The following SYNE3 variants were observed in gnomAD, a reference collection of about 807,000 sequenced individuals.
SYNE3 encodes nesprin-3.
In SYNE3, 100 loss-of-function variants were observed where a neutral mutation model predicts 111.2. That is an observed-to-expected ratio of 0.90 (90% confidence interval 0.77 to 1.06). The LOEUF (loss-of-function observed/expected upper bound fraction) is 1.06. Among genes scored for constraint, SYNE3 ranks in the 50% least tolerant of loss-of-function variants. The probability of loss-of-function intolerance (pLI) is 0.00; values close to 1 mark genes in which losing one functional copy is unlikely to be tolerated. For synonymous variants in SYNE3, 547 were observed against 533.9 expected, an observed-to-expected ratio of 1.02 and a Z score of -0.34; for missense variants, 1,160 against 1,240.3, an observed-to-expected ratio of 0.94 and a Z score of 0.97.
chr14:95,444,713 C>T, intron 9 of SYNE3, 85 bp from the exon 10 acceptor site: 1 of 1,457,898 alleles, frequency 6.9e-7, no homozygotes, highest in South Asian at 1.5e-5. Flanking sequence ...AGCCAGGCTG[C>T]TCTTCGTCTC....
chr14:95,480,108 C>A (rs1889138672), intron 1 of SYNE3, among the ~76,000 whole-genome samples: 1 of 152,092 alleles, frequency 6.6e-6, no homozygotes, highest in Non-Finnish European at 1.5e-5. Context: ...AACAGTATTG[C>A]AAAAGAAATG....
chr14:95,472,048 C>A (rs942317472), intron 2 of SYNE3, among the ~76,000 whole-genome samples: 1 of 152,120 alleles, frequency 6.6e-6, no homozygotes. Flanking sequence ...CAGGAGAGAC[C>A]GCAAAGTAGT....
chr14:95,424,273 G>C (rs1885316415), intron 17 of SYNE3, among the ~76,000 whole-genome samples: 1 of 151,922 alleles, frequency 6.6e-6, no homozygotes, highest in Non-Finnish European at 1.5e-5. Context: ...CAGAGGCCTG[G>C]AAGGAGATGC....
At chr14:95,418,364 T>A (rs12881477) in intron 17 of SYNE3, among the ~76,000 whole-genome samples, 91,652 of 152,004 alleles carry the variant, frequency 0.6, 28,206 homozygotes, top group Non-Finnish European at 0.69. Flanking sequence ...TTTCTCATCT[T>A]CAGATGGGGC....
chr14:95,449,415 A>C, intron 8 of SYNE3: 1 of 984,860 alleles, frequency 1.0e-6, no homozygotes, highest in Non-Finnish European at 1.2e-6. Context: ...CCGCGGCTCC[A>C]TCCGGAGCCA....
chr14:95,461,256 G>A (rs919644612), intron 4 of SYNE3, among the ~76,000 whole-genome samples: 1 of 152,252 alleles, frequency 6.6e-6, no homozygotes, highest in Non-Finnish European at 1.5e-5. Flanking sequence ...CTGATTCACG[G>A]CCAAGATGCC....
Position 95,436,922 on chromosome 14 carries a change from G to T in SYNE3, c.2436C>A (p.Asn812Lys). Reference sequence around the variant, plus strand: ...TTTCCACCTGCAACCACTGCCCAAAGTTCCTCAGGAGCTGGGAGAAATCTT... The same window carrying T: ...TTTCCACCTGCAACCACTGCCCAAATTTCCTCAGGAGCTGGGAGAAATCTT... ...SHEDFSQLLR[N>K]FGQWLQVENS... Residue 812 changes from asparagine to lysine, a missense_variant, in exon 15 of 18, where the codon AAC (asparagine) becomes AAA (lysine). Physicochemically the swap from Asn to Lys is moderately conservative, Grantham distance 94. Transcript: ENST00000682763. 1 of 1,614,192 alleles carries T rather than the reference G, an allele frequency of 6.2e-7. No homozygotes were observed. Among genetic ancestry groups the T allele is most frequent in the Non-Finnish European group, 8.5e-7 (1 of 1,180,042 alleles).
chr14:95,478,479 G>A (rs1889025901), intron 1 of SYNE3, among the ~76,000 whole-genome samples: 1 of 152,088 alleles, frequency 6.6e-6, no homozygotes, highest in Admixed American at 6.6e-5. Context: ...ACTGCTCTGG[G>A]TCCTCCCTTT....
rs1353928409 is a variant in SYNE3, at chr14:95,444,478, C to T, written c.1776+7G>A. On this transcript the variant is annotated splice_region_variant and intron_variant, in intron 10 of 17. Coordinates refer to ENST00000682763, the MANE Select transcript of SYNE3 (RefSeq NM_152592.6). Reference sequence around the variant, plus strand: ...CAGGAGTGATTCAGGCCTCACAGACCCCTCACCTGCAACCTTGAGAGCTGG... The same window carrying T: ...CAGGAGTGATTCAGGCCTCACAGACTCCTCACCTGCAACCTTGAGAGCTGG... The T allele has an allele frequency of 1.2e-6, 2 of 1,605,700 alleles. No individual in the cohort carries two copies. The highest frequency in any genetic ancestry group is 1.1e-5 in the South Asian group (1 of 90,228).
chr14:95,421,312 C>G (rs1404226092), intron 17 of SYNE3, among the ~76,000 whole-genome samples: 1 of 152,112 alleles, frequency 6.6e-6, no homozygotes, highest in Non-Finnish European at 1.5e-5. Context: ...AGGCTCTGAC[C>G]AAGAGTCCTC....
chr14:95,418,241 G>C (rs558453966), intron 17 of SYNE3, among the ~76,000 whole-genome samples: 2 of 152,322 alleles, frequency 1.3e-5, no homozygotes, highest in South Asian at 4.1e-4. Context: ...AGGCATGAAA[G>C]GAAGAATAGA....
chr14:95,475,420 C>T (rs1487000508), intron 2 of SYNE3, among the ~76,000 whole-genome samples: 1 of 152,258 alleles, frequency 6.6e-6, no homozygotes, highest in Non-Finnish European at 1.5e-5. Flanking sequence ...AGTTCCTTGT[C>T]ATCAGAGTGT....
intron 14 of SYNE3, among the ~76,000 whole-genome samples, chr14:95,437,502 T>C (rs4905305): frequency 0.18 from 27,734 of 152,132 alleles, 3,393 homozygotes; most frequent in African/African-American, 0.35. Context: ...GTCTCCTCTG[T>C]GGGGAACACA....
intron 1 of SYNE3, among the ~76,000 whole-genome samples, chr14:95,499,251 A>T (rs1156904857): frequency 6.6e-6 from 1 of 152,190 alleles, no homozygotes; most frequent in Non-Finnish European, 1.5e-5. Context: ...GGAGCATCTA[A>T]CGGCTCAGGG....
rs772803780 is a variant in SYNE3, at chr14:95,455,407, G to T, written c.1107C>A (p.Asp369Glu). 1.3e-6 allele frequency: 2 copies of T among 1,559,032 alleles called. No homozygotes were observed. Among genetic ancestry groups the T allele is most frequent in the African/African-American group, 2.7e-5 (2 of 72,940 alleles). The change falls in exon 6 of 18, where the codon GAC (aspartate) becomes GAA (glutamate). Residue 369 changes from aspartate (D) to glutamate (E), a missense_variant. Coordinates refer to ENST00000682763, the MANE Select transcript of SYNE3 (RefSeq NM_152592.6). ...AGCGTCTCCAGTGTGCCACCAGCTC[G>T]TCCTCGGTCCCCGCTTTCGCCGCAG... ...LQPAAKAGTE[D>E]ELVAHWRRYS...
chr14:95,502,292 A>T (rs1164268336), intron 1 of SYNE3, among the ~76,000 whole-genome samples: 1 of 26,764 alleles, frequency 3.7e-5, no homozygotes, highest in Non-Finnish European at 7.0e-5. Context: ...CCTTCCAGCC[A>T]CTCACAGGGG....
In SYNE3 at chr14:95,455,550, GCTC is replaced by G. The variant is rs754239725; in HGVS notation, c.961_963del (p.Glu321del). The G allele has an allele frequency of 1.3e-5, 21 of 1,612,856 alleles. No individual in the cohort carries two copies. Among genetic ancestry groups the G allele is most frequent in the Middle Eastern group, 1.7e-4 (1 of 6,058 alleles). ...CTGGACCGGAGCAGGCCCCGCAGCCGCTCCTCCTCCTCCTCCCAGAGGGCGCGC... is the reference window on the plus strand; with the variant it reads ...CTGGACCGGAGCAGGCCCCGCAGCCGCTCCTCCTCCTCCCAGAGGGCGCGC... On this transcript the variant is annotated inframe_deletion, in exon 6 of 18. Coordinates refer to ENST00000682763, the MANE Select transcript of SYNE3 (RefSeq NM_152592.6).
rs538959624 is a variant in SYNE3, at chr14:95,510,782, C to T, written c.-15+5814G>A. 1.1e-4 allele frequency among the ~76,000 whole-genome samples: 17 copies of T among 151,682 alleles called. No individual in the cohort carries two copies. In the South Asian group the frequency reaches 1.2e-3, roughly 11 times the overall value. ...CAGCCTGGGCAACAGAGTGAGACTC[C>T]GTCTCAAAAAAAAAAAAGTGCAGGA... On this transcript the variant is annotated intron_variant, in intron 1 of 17. Transcript: ENST00000682763.
intron 1 of SYNE3, among the ~76,000 whole-genome samples, chr14:95,491,094 G>C (rs1206990531): frequency 6.6e-6 from 1 of 152,156 alleles, no homozygotes; most frequent in African/African-American, 2.4e-5. Context: ...AGGGTAGGGA[G>C]TTGCTGGAAC....
Sources: gnomAD v4.1 joint callset for allele counts (sites outside exome capture counted in the v4.1 genomes callset) on GRCh38, gnomAD v4.1.1 for gene constraint, MANE v1.5 for transcripts, NCBI Gene and HGNC (gene_info 2026-07-23, HGNC 2026-07-21) for gene names.